Variants in PCMTD1 observed in about 807,000 individuals in gnomAD.
The protein encoded by PCMTD1 is protein-L-isoaspartate O-methyltransferase domain-containing protein 1.
A neutral mutation model predicts 37.6 loss-of-function variants in PCMTD1; 12 were observed. That is an observed-to-expected ratio of 0.32 (90% CI 0.20 to 0.52). The LOEUF is 0.52. PCMTD1 is among the 20% of genes least tolerant of loss of function. The pLI, the probability that PCMTD1 is intolerant of heterozygous loss-of-function variation, is 0.97. For synonymous variants in PCMTD1, 117 were observed against 135.8 expected (o/e 0.86, Z 0.96); for missense variants, 235 against 421.3 (o/e 0.56, Z 3.87).
intron 2 of PCMTD1, among the ~76,000 whole-genome samples, chr8:51,853,613 C>T (rs1215486718): frequency 1.3e-5 from 2 of 152,036 alleles, no homozygotes; most frequent in African/African-American, 2.4e-5. Flanking sequence ...TATGTACATA[C>T]ATAAATATAT....
chr8:51,889,200 A>G (rs892948592), intron 1 of PCMTD1, among the ~76,000 whole-genome samples: 1 of 152,210 alleles, frequency 6.6e-6, no homozygotes, highest in African/African-American at 2.4e-5. Flanking sequence ...TATTGCTTCT[A>G]GGTTAGGTCC....
At position 51,831,578 on chromosome 8, in the gene PCMTD1, A is replaced by G. The variant is rs1563337417; in HGVS notation, c.583-11T>C. On this transcript the variant is annotated splice_polypyrimidine_tract_variant and intron_variant, in intron 4 of 5. Transcript: ENST00000522514. The stretch of plus-strand genomic sequence containing the variant: ...CATAATCTGTGTTAACTATTTAGAG[A>G]AAAAAAAGAAAGAAAGTGAACAACT... The G allele has an allele frequency of 1.3e-6, 2 of 1,593,786 alleles. No homozygotes were observed. Among genetic ancestry groups the G allele is most frequent in the South Asian group, 1.1e-5 (1 of 87,220 alleles).
rs1233432343 is a variant in PCMTD1, at chr8:51,818,131, A to G, written c.*2220T>C. 1.4e-5 allele frequency: 5 copies of G among 346,632 alleles called. No individual in the cohort carries two copies. The highest frequency in any genetic ancestry group is 8.7e-5 in the African/African-American group (4 of 46,218). The allele number at this position is 346,632 out of a possible 1,614,324, so 21.5% of individuals were successfully genotyped here. A position where few individuals can be genotyped will look rare whatever the true frequency, so the allele number is the denominator to read the frequency against. ...ACCCAAAATATTCTTATTCTAATAT[A>G]TCTGCATTAATAGATAAAAAGGCTT... On this transcript the variant is annotated 3_prime_UTR_variant, in exon 6 of 6. Coordinates refer to ENST00000522514, the MANE Select transcript of PCMTD1 (RefSeq NM_052937.4).
At chr8:51,890,378 G>C (rs2129295108) in intron 1 of PCMTD1, among the ~76,000 whole-genome samples, 1 of 152,228 alleles carries the variant, frequency 6.6e-6, no homozygotes, top group Admixed American at 6.5e-5. Flanking sequence ...TCCAAAATTT[G>C]TTCTTATCCA....
At chr8:51,862,069 T>A (rs576514884) in intron 1 of PCMTD1, among the ~76,000 whole-genome samples, 81 of 151,778 alleles carry the variant, frequency 5.3e-4, no homozygotes, top group African/African-American at 1.9e-3. Flanking sequence ...TATAGTATAG[T>A]ATAGTACAGT....
chr8:51,896,585 C>A (rs1302710445), intron 1 of PCMTD1, among the ~76,000 whole-genome samples: 2 of 152,092 alleles, frequency 1.3e-5, no homozygotes, highest in Non-Finnish European at 2.9e-5. Context: ...CCAGCAGTGT[C>A]TAAAGTAACA....
At position 51,820,326 on chromosome 8, in the gene PCMTD1, T is replaced by A; in HGVS notation, c.*25A>T. 1 of 1,518,098 alleles carries A rather than the reference T, an allele frequency of 6.6e-7. No homozygotes were observed. The highest frequency in any genetic ancestry group is 8.8e-7 in the Non-Finnish European group (1 of 1,137,238). The allele number at this position is 1,518,098 out of a possible 1,614,324, so 94.0% of individuals were successfully genotyped here. ...TTTTCAAGACTAAAGGAATTATCAG[T>A]AGGCATTTTTCTTCTTGATCTAAGT... On this transcript the variant is annotated 3_prime_UTR_variant, in exon 6 of 6. Transcript: ENST00000522514.
Position 51,818,058 on chromosome 8 carries a change from T to C in PCMTD1, c.*2293A>G, listed in dbSNP as rs963626027. 4.0e-5 allele frequency: 16 copies of C among 404,112 alleles called. No individual in the cohort carries two copies. The Admixed American group carries it at 4.7e-4, about 12-fold the overall frequency. 25.0% of individuals were successfully genotyped at this position (404,112 alleles called of 1,614,324 possible). A position where few individuals can be genotyped will look rare whatever the true frequency, so the allele number is the denominator to read the frequency against. On this transcript the variant is annotated 3_prime_UTR_variant, in exon 6 of 6. Transcript: ENST00000522514. ...TTGCTACTTTTCCACCTATAAAGCG[T>C]AATTTTCCATATCAAGTAAACATAA... is the stretch of plus-strand genomic sequence containing the variant.
chr8:51,852,574 A>C (rs2038323714), intron 2 of PCMTD1, among the ~76,000 whole-genome samples: 1 of 152,172 alleles, frequency 6.6e-6, no homozygotes. Flanking sequence ...CATCCCTATA[A>C]AGCGGTATGT....
In PCMTD1 at chr8:51,820,543, C is replaced by G. The variant is rs1585776703; in HGVS notation, c.882G>C (p.Gln294His). 1.2e-6 allele frequency: 2 copies of G among 1,612,308 alleles called. No homozygotes were observed. The part of the protein sequence containing the change: ...RINTYVFVGN[Q>H]LIPQPLDSEE... ...CACTGTCTAGAGGCTGAGGAATAAG[C>G]TGATTACCCACAAATACGTAAGTGT... The change falls in exon 6 of 6, where the codon CAG becomes CAC. Residue 294 changes from glutamine (Q) to histidine (H), a missense_variant. Gln to His is a conservative substitution (Grantham distance 24). Around this residue, in one of 3 missense-constraint regions of PCMTD1, gnomAD observed 41 missense variants for 36.4 expected, o/e 1.13. Coordinates refer to ENST00000522514, the MANE Select transcript of PCMTD1 (RefSeq NM_052937.4).
At chr8:51,895,755 C>G (rs549743560) in intron 1 of PCMTD1, among the ~76,000 whole-genome samples, 1 of 152,112 alleles carries the variant, frequency 6.6e-6, no homozygotes, top group Admixed American at 6.5e-5. Context: ...CACTCACATC[C>G]AACATCCAAT....
chr8:51,853,349 G>T (rs970469654), intron 2 of PCMTD1, among the ~76,000 whole-genome samples: 1 of 152,164 alleles, frequency 6.6e-6, no homozygotes, highest in Non-Finnish European at 1.5e-5. Context: ...GACGCATTCA[G>T]TCCAATATCC....
intron 3 of PCMTD1, among the ~76,000 whole-genome samples, chr8:51,839,052 ATGTT>A (rs2038108552): frequency 6.6e-6 from 1 of 151,920 alleles, no homozygotes; most frequent in African/African-American, 2.4e-5. Context: ...TTAAAATTTT[ATGTT>A]TGTAAGTAAA....
intron 5 of PCMTD1, among the ~76,000 whole-genome samples, chr8:51,829,921 A>G (rs1286106509): frequency 6.6e-6 from 1 of 152,224 alleles, no homozygotes; most frequent in Non-Finnish European, 1.5e-5. Flanking sequence ...AGTTCATTTA[A>G]AAGGCAAACT....
chr8:51,875,666 A>G (rs2038700830), intron 1 of PCMTD1, among the ~76,000 whole-genome samples: 1 of 152,232 alleles, frequency 6.6e-6, no homozygotes. Flanking sequence ...TGTTTGGACC[A>G]GTGGCTCATG....
At chr8:51,838,903 G>A (rs1043843833) in intron 3 of PCMTD1, among the ~76,000 whole-genome samples, 6 of 151,828 alleles carry the variant, frequency 4.0e-5, no homozygotes, top group Non-Finnish European at 7.4e-5. Context: ...TTATATCAAC[G>A]ACACAATAAA....
At chr8:51,888,156 G>T (rs2038890555) in intron 1 of PCMTD1, among the ~76,000 whole-genome samples, 1 of 152,150 alleles carries the variant, frequency 6.6e-6, no homozygotes, top group African/African-American at 2.4e-5. Context: ...TACTTTTAGG[G>T]TAGTAGAAAG....
chr8:51,857,522 T>G (rs745708984), intron 2 of PCMTD1, among the ~76,000 whole-genome samples: 3 of 152,186 alleles, frequency 2.0e-5, no homozygotes, highest in Admixed American at 1.3e-4. Flanking sequence ...CATTCAGTTA[T>G]GGAAAGCAGA....
chr8:51,886,541 A>C (rs917024084), intron 1 of PCMTD1, among the ~76,000 whole-genome samples: 2 of 152,212 alleles, frequency 1.3e-5, no homozygotes, highest in Non-Finnish European at 2.9e-5. Flanking sequence ...TAAAGAAAGC[A>C]GCTCCAAAAA....
Sources: gnomAD v4.1 joint callset for allele counts (sites outside exome capture counted in the v4.1 genomes callset) on GRCh38, gnomAD v4.1.1 for gene constraint, gnomAD v4.1.1 regional missense constraint, MANE v1.5 for transcripts, NCBI Gene and HGNC (gene_info 2026-07-23, HGNC 2026-07-21) for gene names.